ZNF536: variants seen among roughly 807,000 people sequenced by gnomAD.
ZNF536 encodes the protein zinc finger protein 536.
In ZNF536, 13 loss-of-function variants were observed where a neutral mutation model predicts 84.5. The ratio of observed to expected loss-of-function variants is 0.15; its 90% CI spans 0.10 to 0.24. ZNF536 has a LOEUF of 0.24. Ranked by LOEUF, ZNF536 falls within the 10% of genes least tolerant of loss-of-function variation. The pLI, the probability that ZNF536 is intolerant of heterozygous loss-of-function variation, is 1.00. For missense variants in ZNF536, 1,536 were observed against 1,747.5 expected (o/e 0.88, Z 2.16); for synonymous variants, 811 against 742.5 (o/e 1.09, Z -1.50).
intron 3 of ZNF536, among the ~76,000 whole-genome samples, chr19:30,365,609 T>A (rs2048403560): frequency 6.6e-6 from 1 of 152,174 alleles, no homozygotes; most frequent in African/African-American, 2.4e-5. Flanking sequence ...GACCACCAGG[T>A]CCCGTGTAGC....
At position 30,444,674 on chromosome 19, in the gene ZNF536, T is replaced by G; in HGVS notation, c.1112T>G (p.Phe371Cys). The G allele has an allele frequency of 6.2e-7, 1 of 1,613,976 alleles. No individual in the cohort carries two copies. Among genetic ancestry groups the G allele is most frequent in the Non-Finnish European group, 8.5e-7 (1 of 1,180,036 alleles). Residue 371 changes from phenylalanine to cysteine, a missense_variant, in exon 2 of 5, where the codon TTT becomes TGT. Around this residue, in one of 8 missense-constraint regions of ZNF536, gnomAD observed 25 missense variants for 78.9 expected, o/e 0.32. Coordinates refer to ENST00000355537, the MANE Select transcript of ZNF536 (RefSeq NM_014717.3). ...CACATGCGCAAGCACAAAGACTCCT[T>G]TGAGCACTGCTGCCAGATCTGCGGC... is the stretch of plus-strand genomic sequence containing the variant. Reference protein sequence around the residue: ...KGHMRKHKDSFEHCCQICGRR... With the variant: ...KGHMRKHKDSCEHCCQICGRR...
At chr19:30,711,816 A>G (rs1325901343) in exon 2 of ZNF536, 2 of 152,228 alleles carry the variant, frequency 1.3e-5, no homozygotes, top group Admixed American at 6.5e-5. Context: ...AGTAGGGTAC[A>G]TTATATAAAA....
intron 1 of ZNF536, among the ~76,000 whole-genome samples, chr19:30,602,416 T>A (rs896083333): frequency 6.6e-6 from 1 of 152,250 alleles, no homozygotes; most frequent in African/African-American, 2.4e-5. Context: ...GGCTCTGTGC[T>A]GCGTGGATAC....
chr19:30,246,572 GCCCCC>G (rs2024291184), intron 1 of ZNF536, among the ~76,000 whole-genome samples: 5 of 152,112 alleles, frequency 3.3e-5, no homozygotes, highest in Non-Finnish European at 1.5e-5. Flanking sequence ...GCTACACACT[GCCCCC>G]GTCCCCACCC....
chr19:30,614,513 A>G (rs546857053), intron 1 of ZNF536, among the ~76,000 whole-genome samples: 1 of 152,174 alleles, frequency 6.6e-6, no homozygotes, highest in Non-Finnish European at 1.5e-5. Context: ...AAATTCCAAG[A>G]AGCAGGACTT....
chr19:30,444,327 G>T lies in ZNF536; in HGVS notation c.765G>T (p.Val255=). ...NHSVPDVAHP[V]PSPKPASVQE... ...GCGTTCCCGACGTGGCCCACCCGGT[G>T]CCCTCGCCCAAGCCTGCCAGCGTGC... Residue 255 remains valine (V), a synonymous_variant, in exon 2 of 5, where the codon GTG becomes GTT. Transcript: ENST00000355537. 6.3e-7 allele frequency: 1 copy of T among 1,591,320 alleles called. No homozygotes were observed. The highest frequency in any genetic ancestry group is 1.3e-5 in the African/African-American group (1 of 74,822).
chr19:30,490,653 C>T (rs948338165), intron 2 of ZNF536, among the ~76,000 whole-genome samples: 2 of 152,200 alleles, frequency 1.3e-5, no homozygotes, highest in Non-Finnish European at 2.9e-5. Context: ...AAATAAGGCC[C>T]TATTGTTATC....
At chr19:30,670,273 C>T (rs1054766409) in intron 1 of ZNF536, among the ~76,000 whole-genome samples, 1 of 152,200 alleles carries the variant, frequency 6.6e-6, no homozygotes, top group Non-Finnish European at 1.5e-5. Flanking sequence ...GCTTCTCATT[C>T]GCTTAGTGCA....
At chr19:30,448,298 C>G (rs1192098360) in intron 2 of ZNF536, among the ~76,000 whole-genome samples, 1 of 152,206 alleles carries the variant, frequency 6.6e-6, no homozygotes, top group Non-Finnish European at 1.5e-5. Context: ...ATTTAGGACT[C>G]TTAACCAAAT....
chr19:30,391,798 C>G lies in ZNF536; in HGVS notation c.-3+19242C>G, dbSNP rs563736327. ...ATCTTCCACTAAACTTTCCCTTGTT[C>G]TGATTGTAACTCCCAGCCACCCCTT... On this transcript the variant is annotated intron_variant, in intron 1 of 4. Transcript: ENST00000355537. Among the ~76,000 whole-genome samples the G allele has an allele frequency of 4.6e-5, 7 of 152,268 alleles. No individual in the cohort carries two copies. In the South Asian group the frequency reaches 1.5e-3, roughly 32 times the overall value.
chr19:30,311,604 C>A (rs1011941453), intron 2 of ZNF536, among the ~76,000 whole-genome samples: 4 of 152,122 alleles, frequency 2.6e-5, no homozygotes, highest in African/African-American at 9.7e-5. Flanking sequence ...ATTGAAGCAG[C>A]TTTACATCAA....
rs1421344258 is a variant in ZNF536, at chr19:30,444,242, C to A, written c.680C>A (p.Pro227Gln). 4.5e-6 allele frequency: 7 copies of A among 1,545,208 alleles called. No homozygotes were observed. The highest frequency in any genetic ancestry group is 3.8e-5 in the Admixed American group (2 of 51,980). Residue 227 changes from proline (P) to glutamine (Q), a missense_variant, in exon 2 of 5, where the codon CCG becomes CAG. Physicochemically the swap from Pro to Gln is moderately conservative, Grantham distance 76. This residue lies in a region of ZNF536 where 138 missense variants were observed against 136.8 expected (regional missense o/e 1.01). Transcript: ENST00000355537. ...LLQPRPDLKP[P>Q]PHAQQAPLAA... is the part of the protein sequence containing the mutation. ...CAGCCCCGGCCGGACCTGAAGCCCCCGCCGCACGCCCAGCAGGCCCCGCTG... is the reference window on the plus strand; with the variant it reads ...CAGCCCCGGCCGGACCTGAAGCCCCAGCCGCACGCCCAGCAGGCCCCGCTG...
chr19:30,457,653 C>T (rs183285926), intron 2 of ZNF536, among the ~76,000 whole-genome samples: 27 of 152,354 alleles, frequency 1.8e-4, no homozygotes, highest in African/African-American at 5.5e-4. Context: ...ACCATGCTGT[C>T]CTTGGAGGCA....
intron 1 of ZNF536, among the ~76,000 whole-genome samples, chr19:30,406,519 C>A (rs759169367): frequency 6.6e-6 from 1 of 152,162 alleles, no homozygotes; most frequent in Non-Finnish European, 1.5e-5. Flanking sequence ...CATTGTAGGG[C>A]TATAAATACC....
chr19:30,608,917 G>A (rs2047992905), intron 1 of ZNF536, among the ~76,000 whole-genome samples: 1 of 152,158 alleles, frequency 6.6e-6, no homozygotes, highest in Non-Finnish European at 1.5e-5. Flanking sequence ...GCAGTCCCTT[G>A]GGAGATGTGT....
chr19:30,293,825 G>A (rs1462926197), intron 2 of ZNF536, among the ~76,000 whole-genome samples: 1 of 152,226 alleles, frequency 6.6e-6, no homozygotes, highest in East Asian at 1.9e-4. Flanking sequence ...CTTGTACTTA[G>A]TAGGTGCTTG....
At chr19:30,338,494 G>C (rs1457071239) in intron 2 of ZNF536, among the ~76,000 whole-genome samples, 2 of 151,686 alleles carry the variant, frequency 1.3e-5, no homozygotes, top group Non-Finnish European at 2.9e-5. Context: ...TGATGATGAT[G>C]ATGATGATGA....
At chr19:30,590,097 T>C (rs771727898) in intron 1 of ZNF536, among the ~76,000 whole-genome samples, 8 of 152,216 alleles carry the variant, frequency 5.3e-5, no homozygotes, top group Non-Finnish European at 1.2e-4. Flanking sequence ...GGCCTGTGCC[T>C]CCTTCTCTCC....
At chr19:30,558,999 G>C (rs541936044), downstream of ZNF536, among the ~76,000 whole-genome samples, 6 of 152,298 alleles carry the variant, frequency 3.9e-5, no homozygotes, top group Non-Finnish European at 5.9e-5. Flanking sequence ...CATCACCCTA[G>C]CTGGTTGAAA....
Sources: allele counts gnomAD v4.1 joint callset (sites outside exome capture counted in the v4.1 genomes callset), GRCh38; gene constraint gnomAD v4.1.1; regional missense constraint gnomAD v4.1.1; transcripts MANE v1.5; gene names NCBI Gene and HGNC (gene_info 2026-07-23, HGNC 2026-07-21).